The following PEX5L variants were observed in gnomAD, a reference collection of about 807,000 sequenced individuals.
PEX5L encodes the protein PEX5-related protein.
PEX5L carries 30 observed loss-of-function variants against 84.0 expected under a neutral mutation model. The observed-to-expected ratio is 0.36, with a 90% CI of 0.27 to 0.48. The LOEUF is 0.48. Ranked by LOEUF, PEX5L falls within the 20% of genes least tolerant of loss-of-function variation. The pLI, the probability that PEX5L is intolerant of heterozygous loss-of-function variation, is 0.99. For synonymous variants in PEX5L, 270 were observed against 283.1 expected (o/e 0.95, Z 0.46); for missense variants, 533 against 754.6 (o/e 0.71, Z 3.44).
At chr3:179,921,511 T>C (rs1769380916) in intron 2 of PEX5L, 1 of 152,238 alleles carries the variant, frequency 6.6e-6, no homozygotes, top group Non-Finnish European at 1.5e-5. Context: ...CTGAAGTTTT[T>C]CGTGTCTAAC....
At chr3:179,914,581 T>G (rs1029635379) in intron 2 of PEX5L, among the ~76,000 whole-genome samples, 1 of 152,216 alleles carries the variant, frequency 6.6e-6, no homozygotes, top group Admixed American at 6.5e-5. Flanking sequence ...GCTTACTGGA[T>G]GGATGAATGA....
At chr3:179,828,731 A>G (rs1370348215) in intron 8 of PEX5L, among the ~76,000 whole-genome samples, 2 of 151,894 alleles carry the variant, frequency 1.3e-5, no homozygotes, top group African/African-American at 4.8e-5. Context: ...GCCTTAGTGT[A>G]TGAGCATCTA....
chr3:179,954,297 T>C (rs1175515353), intron 2 of PEX5L, among the ~76,000 whole-genome samples: 3 of 152,128 alleles, frequency 2.0e-5, no homozygotes, highest in Non-Finnish European at 4.4e-5. Context: ...TTGATTTTTC[T>C]AGTACAATGT....
intron 1 of PEX5L, among the ~76,000 whole-genome samples, chr3:179,977,595 G>A (rs544338127): frequency 1.3e-5 from 2 of 152,288 alleles, no homozygotes; most frequent in South Asian, 4.1e-4. Context: ...AAGGAAAAAG[G>A]ATAAATTTTT....
chr3:180,002,261 G>A (rs1788492749), intron 1 of PEX5L, among the ~76,000 whole-genome samples: 1 of 152,096 alleles, frequency 6.6e-6, no homozygotes, highest in Non-Finnish European at 1.5e-5. Flanking sequence ...CTAGGGATGA[G>A]ATTGCTGATT....
intron 1 of PEX5L, among the ~76,000 whole-genome samples, chr3:180,010,077 G>A (rs987756174): frequency 6.6e-6 from 1 of 151,732 alleles, no homozygotes; most frequent in African/African-American, 2.4e-5. Flanking sequence ...CCGAATAGCT[G>A]GGACTACAGG....
chr3:179,828,129 T>A (rs1356380896), intron 8 of PEX5L, among the ~76,000 whole-genome samples: 1 of 152,072 alleles, frequency 6.6e-6, no homozygotes, highest in African/African-American at 2.4e-5. Context: ...TGATGTCTCT[T>A]CTTAGTAATT....
At chr3:179,849,045 G>T (rs1046608809) in intron 8 of PEX5L, among the ~76,000 whole-genome samples, 1 of 152,218 alleles carries the variant, frequency 6.6e-6, no homozygotes, top group Non-Finnish European at 1.5e-5. Context: ...CTTCCTGCTA[G>T]TTTGGGACTT....
At chr3:179,846,837 A>G (rs977421065) in intron 8 of PEX5L, among the ~76,000 whole-genome samples, 2 of 152,106 alleles carry the variant, frequency 1.3e-5, no homozygotes, top group Non-Finnish European at 2.9e-5. Flanking sequence ...GCTAACACCA[A>G]AGGTTCTTCT....
At chr3:179,897,348 G>A (rs553205366) in intron 3 of PEX5L, among the ~76,000 whole-genome samples, 2 of 152,120 alleles carry the variant, frequency 1.3e-5, no homozygotes, top group African/African-American at 2.4e-5. Context: ...TCTCATTTGC[G>A]ATTTTAAAAC....
At chr3:179,821,617 T>C (rs1049431307) in intron 8 of PEX5L, among the ~76,000 whole-genome samples, 5 of 152,238 alleles carry the variant, frequency 3.3e-5, no homozygotes, top group African/African-American at 1.2e-4. Context: ...TTCTGCCCCT[T>C]TGGCAAAGGC....
intron 2 of PEX5L, among the ~76,000 whole-genome samples, chr3:179,967,550 C>T (rs964939892): frequency 6.6e-6 from 1 of 152,032 alleles, no homozygotes; most frequent in Admixed American, 6.6e-5. Flanking sequence ...TTCAAGATTA[C>T]CAGATTTCCA....
chr3:179,863,611 C>A (rs1000892500), intron 7 of PEX5L, among the ~76,000 whole-genome samples: 3 of 152,060 alleles, frequency 2.0e-5, no homozygotes, highest in Non-Finnish European at 4.4e-5. Context: ...TAGGGAAATG[C>A]AAGTTAAAAC....
chr3:179,984,440 A>G (rs879777344), intron 1 of PEX5L, among the ~76,000 whole-genome samples: 30 of 152,158 alleles, frequency 2.0e-4, no homozygotes, highest in Non-Finnish European at 3.7e-4. Flanking sequence ...CAATGATTGT[A>G]TAAGTAAATA....
In PEX5L at chr3:179,808,416, C is replaced by T. The variant is rs139246095; in HGVS notation, c.1374G>A (p.Lys458=). The T allele has an allele frequency of 5.2e-6, 8 of 1,552,694 alleles. No homozygotes were observed. Among genetic ancestry groups the T allele is most frequent in the African/African-American group, 2.8e-5 (2 of 71,986 alleles). ...PVDSSVLEGV[K]ELYLEAAHQN... is the part of the protein sequence containing the mutation. The stretch of plus-strand genomic sequence containing the variant: ...GGTGGGCAGCTTCCAGATATAATTC[C>T]TTCACCCCTTCCAGAACAGAGCTAC... The change falls in exon 13 of 15, where the codon AAG becomes AAA. Residue 458 remains lysine, a synonymous_variant. Transcript: ENST00000467460.
intron 2 of PEX5L, among the ~76,000 whole-genome samples, chr3:179,942,724 C>CA (rs763548360): frequency 3.3e-5 from 5 of 152,234 alleles, no homozygotes; most frequent in Non-Finnish European, 5.9e-5. Context: ...GACCCTGCTC[C>CA]AGCCCTTCAA....
At chr3:179,973,800 C>T (rs1398976053) in intron 1 of PEX5L, 1 of 985,270 alleles carries the variant, frequency 1.0e-6, no homozygotes, top group Non-Finnish European at 1.2e-6. Flanking sequence ...TGTCCCCCAA[C>T]CAATCTAAAT....
At chr3:179,805,807 G>A (rs1721083124) in intron 14 of PEX5L, among the ~76,000 whole-genome samples, 1 of 152,030 alleles carries the variant, frequency 6.6e-6, no homozygotes, top group Admixed American at 6.5e-5. Context: ...AACGGAGGTG[G>A]CCATTTTTAC....
chr3:179,959,760 C>T (rs1310802278), intron 2 of PEX5L, among the ~76,000 whole-genome samples: 1 of 152,134 alleles, frequency 6.6e-6, no homozygotes, highest in African/African-American at 2.4e-5. Flanking sequence ...TAAATGTCAC[C>T]AGCATTCCCT....
Sources: gnomAD v4.1 joint callset for allele counts (sites outside exome capture counted in the v4.1 genomes callset) on GRCh38, gnomAD v4.1.1 for gene constraint, MANE v1.5 for transcripts, NCBI Gene and HGNC (gene_info 2026-07-23, HGNC 2026-07-21) for gene names.